Variants in LHPP observed in about 807,000 individuals in gnomAD.
LHPP encodes the protein hLHPP.
Under a neutral mutation model 30.3 loss-of-function variants are expected in LHPP, and 24 were observed. The ratio of observed to expected loss-of-function variants is 0.79; its 90% CI spans 0.57 to 1.11. LHPP has a LOEUF of 1.11. LHPP is among the 50% of genes most tolerant of loss of function. The pLI is 0.00. For missense variants in LHPP, 356 were observed against 367.2 expected (o/e 0.97, Z 0.25); for synonymous variants, 150 against 157.1 (o/e 0.95, Z 0.34).
At position 124,498,322 on chromosome 10, in the gene LHPP, G is replaced by A. The variant is rs548545915; in HGVS notation, c.624+194G>A. 40 of 1,576,874 alleles carry A rather than the reference G, an allele frequency of 2.5e-5. No homozygotes were observed. In the African/African-American group the frequency reaches 3.5e-4, roughly 14 times the overall value. ...CGAAATCCACTGAATAGTTTCAACCGTGAAGTTACTTTCAGTATGAAAGCA... is the reference window on the plus strand; with the variant it reads ...CGAAATCCACTGAATAGTTTCAACCATGAAGTTACTTTCAGTATGAAAGCA... On this transcript the variant is annotated intron_variant, in intron 5 of 6. Transcript: ENST00000368842.
intron 6 of LHPP, among the ~76,000 whole-genome samples, chr10:124,611,057 G>A (rs1361038016): frequency 6.6e-6 from 1 of 151,734 alleles, no homozygotes; most frequent in East Asian, 1.9e-4. Context: ...TGAGGGGGCC[G>A]CATACTCATC....
intron 3 of LHPP, 94 bp downstream of exon 3, chr10:124,488,669 GGGGAGGT>G: frequency 5.2e-6 from 6 of 1,150,980 alleles, no homozygotes; most frequent in Non-Finnish European, 7.4e-6. Context: ...GGATGCAGAA[GGGGAGGT>G]GGGAGGAGCA....
chr10:124,566,069 G>A (rs1222167436), intron 6 of LHPP, among the ~76,000 whole-genome samples: 1 of 152,230 alleles, frequency 6.6e-6, no homozygotes, highest in Non-Finnish European at 1.5e-5. Flanking sequence ...TGTTTGTTGT[G>A]GGCAGTTGCC....
intron 6 of LHPP, among the ~76,000 whole-genome samples, chr10:124,519,357 T>C (rs1369391857): frequency 6.6e-6 from 1 of 152,226 alleles, no homozygotes; most frequent in Non-Finnish European, 1.5e-5. Flanking sequence ...AAAAATGGGA[T>C]GATATTGTTT....
intron 1 of LHPP, among the ~76,000 whole-genome samples, chr10:124,470,520 G>A (rs932510769): frequency 2.6e-5 from 4 of 152,038 alleles, no homozygotes; most frequent in African/African-American, 7.3e-5. Context: ...CTGGAACAGC[G>A]AAGGCCAGGG....
intron 5 of LHPP, among the ~76,000 whole-genome samples, chr10:124,499,458 A>G (rs1373122626): frequency 1.3e-5 from 2 of 151,810 alleles, no homozygotes; most frequent in Non-Finnish European, 2.9e-5. Context: ...AGCCTGGCCA[A>G]TGTGATGAAA....
chr10:124,476,104 C>T (rs1952936067), intron 1 of LHPP, among the ~76,000 whole-genome samples: 1 of 152,098 alleles, frequency 6.6e-6, no homozygotes, highest in East Asian at 1.9e-4. Context: ...GGAGGGTGTG[C>T]TGCGTGTTTT....
At chr10:124,564,719 G>A (rs935970486) in intron 6 of LHPP, among the ~76,000 whole-genome samples, 39 of 152,198 alleles carry the variant, frequency 2.6e-4, no homozygotes, top group South Asian at 2.1e-4. Context: ...TGTTGAGTCT[G>A]GGCTGGGGAC....
chr10:124,536,035 G>C (rs1308957631), intron 6 of LHPP, among the ~76,000 whole-genome samples: 3 of 152,240 alleles, frequency 2.0e-5, no homozygotes, highest in African/African-American at 7.2e-5. Context: ...TAAAACCACT[G>C]GAAAGGCTTG....
intron 6 of LHPP, among the ~76,000 whole-genome samples, chr10:124,540,446 G>A (rs1201459373): frequency 2.0e-5 from 3 of 152,212 alleles, no homozygotes; most frequent in Non-Finnish European, 4.4e-5. Flanking sequence ...GGAGCCGCTC[G>A]CCCACCAACC....
Position 124,461,862 on chromosome 10 carries a change from C to A in LHPP, c.-1C>A. ...GGAGCTGAGGAGCAGGGCCGGGCGCCATGGCACCGTGGGGCAAGCGGCTGG... is the reference window on the plus strand; with the variant it reads ...GGAGCTGAGGAGCAGGGCCGGGCGCAATGGCACCGTGGGGCAAGCGGCTGG... On this transcript the variant is annotated 5_prime_UTR_variant, in exon 1 of 7. Coordinates refer to ENST00000368842, the MANE Select transcript of LHPP (RefSeq NM_022126.4). 2 of 1,250,540 alleles carry A rather than the reference C, an allele frequency of 1.6e-6. No homozygotes were observed. Among genetic ancestry groups the A allele is most frequent in the Non-Finnish European group, 2.0e-6 (2 of 994,236 alleles). The allele number at this position is 1,250,540 out of a possible 1,614,324, so 77.5% of individuals were successfully genotyped here.
At chr10:124,613,087 G>A (rs1949222758) in intron 6 of LHPP, 177 bp from the exon 7 acceptor site, 1 of 633,956 alleles carries the variant, frequency 1.6e-6, no homozygotes, top group Admixed American at 2.4e-5. Flanking sequence ...GGCCATGTGT[G>A]CCTGAGTAGG....
chr10:124,590,324 G>A lies in LHPP; in HGVS notation c.717-22940G>A, dbSNP rs976660850. Among the ~76,000 whole-genome samples, 4 of 152,146 alleles carry A rather than the reference G, an allele frequency of 2.6e-5. No homozygotes were observed. The highest frequency in any genetic ancestry group is 2.1e-4 in the South Asian group (1 of 4,816). On this transcript the variant is annotated intron_variant, in intron 6 of 6. Coordinates refer to ENST00000368842, the MANE Select transcript of LHPP (RefSeq NM_022126.4). This position sits in a 1 kb window ranked among gnomAD's most constrained non-coding sequence, Gnocchi z 4.3. ...AGGAGTGGCTCCCACCCTCGACTGC[G>A]GGGAAGTGCTGGAACCCTCCGCACG...
intron 3 of LHPP, among the ~76,000 whole-genome samples, chr10:124,495,584 G>T (rs967557125): frequency 8.5e-5 from 13 of 152,220 alleles, no homozygotes; most frequent in Admixed American, 5.9e-4. Flanking sequence ...GGGTGCCCAG[G>T]AGTGGCGGAG....
At position 124,587,706 on chromosome 10, in the gene LHPP, C is replaced by T. The variant is rs1372193511; in HGVS notation, c.717-25558C>T. ...AGTGAGCCAAGATCATGCCACTGCA[C>T]TCCAGCCTGGGAGACACAGCCAGAC... On this transcript the variant is annotated intron_variant, in intron 6 of 6. Coordinates refer to ENST00000368842, the MANE Select transcript of LHPP (RefSeq NM_022126.4). 3.6e-5 allele frequency among the ~76,000 whole-genome samples: 5 copies of T among 139,630 alleles called. No individual in the cohort carries two copies. The Admixed American group carries it at 3.7e-4, about 10-fold the overall frequency. The allele number at this position is 139,630 out of a possible 152,430, so 91.6% of individuals were successfully genotyped here.
At chr10:124,536,397 TC>T (rs1023758893) in intron 6 of LHPP, among the ~76,000 whole-genome samples, 1 of 152,196 alleles carries the variant, frequency 6.6e-6, no homozygotes, top group Admixed American at 6.5e-5. Context: ...CTGCTCCTGC[TC>T]CGAGGCCACC....
At chr10:124,578,703 T>C (rs1484014941) in intron 6 of LHPP, among the ~76,000 whole-genome samples, 1 of 152,174 alleles carries the variant, frequency 6.6e-6, no homozygotes, top group East Asian at 1.9e-4. Context: ...ATGCAGGGCT[T>C]ACACCGCGCC....
At chr10:124,547,045 A>ACG (rs1165567093) in intron 6 of LHPP, among the ~76,000 whole-genome samples, 3 of 149,134 alleles carry the variant, frequency 2.0e-5, no homozygotes, top group Non-Finnish European at 4.4e-5. Context: ...ACACGCGCGC[A>ACG]CACACACAGG....
chr10:124,590,238 G>A lies in LHPP; in HGVS notation c.717-23026G>A, dbSNP rs528890590. Among the ~76,000 whole-genome samples the A allele has an allele frequency of 2.0e-5, 3 of 152,086 alleles. No homozygotes were observed. Among genetic ancestry groups the A allele is most frequent in the Non-Finnish European group, 4.4e-5 (3 of 68,024 alleles). The stretch of plus-strand genomic sequence containing the variant: ...TGAGCATTATTGGGGGTGGGGTGCG[G>A]AGCAGGCACTGGCTTTGGTTGAGGT... On this transcript the variant is annotated intron_variant, in intron 6 of 6. Transcript: ENST00000368842. The surrounding 1 kb of genome is among the most constrained non-coding windows in gnomAD (Gnocchi z 4.3).
Sources: allele counts gnomAD v4.1 joint callset (sites outside exome capture counted in the v4.1 genomes callset), GRCh38; gene constraint gnomAD v4.1.1; non-coding constraint Gnocchi (gnomAD v3.1); transcripts MANE v1.5; gene names NCBI Gene and HGNC (gene_info 2026-07-23, HGNC 2026-07-21).